Variants in ANGPT1 observed in about 807,000 individuals in gnomAD.
ANGPT1 encodes angiopoietin-1.
ANGPT1 carries 17 observed loss-of-function variants against 62.2 expected under a neutral mutation model. The observed-to-expected ratio is 0.27, with a 90% CI of 0.19 to 0.41. The LOEUF is 0.41. ANGPT1 is among the 10% of genes least tolerant of loss of function. ANGPT1 has a pLI of 1.00. For synonymous variants in ANGPT1, 199 were observed against 198.9 expected (o/e 1.00, Z 0.00); for missense variants, 478 against 594.9 (o/e 0.80, Z 2.04).
chr8:107,334,700 T>G (rs554983444), intron 3 of ANGPT1, among the ~76,000 whole-genome samples: 1 of 152,316 alleles, frequency 6.6e-6, no homozygotes, highest in South Asian at 2.1e-4. Context: ...GTGGTTCACT[T>G]TTGGTGACAA....
chr8:107,342,503 A>G (rs1485626744), intron 2 of ANGPT1, among the ~76,000 whole-genome samples: 1 of 152,166 alleles, frequency 6.6e-6, no homozygotes, highest in Non-Finnish European at 1.5e-5. Flanking sequence ...ATTTAGCTCC[A>G]CCATTTTAGT....
intron 1 of ANGPT1, among the ~76,000 whole-genome samples, chr8:107,469,924 A>T (rs1812301810): frequency 6.6e-6 from 1 of 152,090 alleles, no homozygotes; most frequent in African/African-American, 2.4e-5. Flanking sequence ...CAAGGCATAC[A>T]AAAAGATAAC....
chr8:107,414,521 GA>G (rs1810686798), intron 1 of ANGPT1, among the ~76,000 whole-genome samples: 1 of 152,060 alleles, frequency 6.6e-6, no homozygotes, highest in Admixed American at 6.6e-5. Context: ...CTGTAAAAGG[GA>G]TTGGAAAATG....
At chr8:107,484,084 A>G (rs1316754528) in intron 1 of ANGPT1, among the ~76,000 whole-genome samples, 6 of 152,216 alleles carry the variant, frequency 3.9e-5, no homozygotes, top group Non-Finnish European at 8.8e-5. Context: ...CCAAAAACTT[A>G]CAAGACATCA....
chr8:107,279,089 C>T (rs1813934472), intron 7 of ANGPT1, among the ~76,000 whole-genome samples: 1 of 152,146 alleles, frequency 6.6e-6, no homozygotes, highest in Non-Finnish European at 1.5e-5. Context: ...ATCTCCTCAA[C>T]CCTACAATAA....
intron 4 of ANGPT1, among the ~76,000 whole-genome samples, chr8:107,319,833 T>G (rs2130054574): frequency 6.6e-6 from 1 of 152,152 alleles, no homozygotes; most frequent in African/African-American, 2.4e-5. Context: ...AACTAAATAT[T>G]TAGTTAGAAC....
chr8:107,328,779 G>A (rs1191202034), intron 3 of ANGPT1, among the ~76,000 whole-genome samples: 2 of 151,954 alleles, frequency 1.3e-5, no homozygotes, highest in Non-Finnish European at 2.9e-5. Context: ...TAGATGGCTA[G>A]CAAAGTTTTG....
At chr8:107,476,927 T>G (rs558972311) in intron 1 of ANGPT1, among the ~76,000 whole-genome samples, 35 of 152,210 alleles carry the variant, frequency 2.3e-4, no homozygotes, top group Admixed American at 6.6e-4. Context: ...TAGCTGCTTC[T>G]CCATCCTTTT....
intron 1 of ANGPT1, among the ~76,000 whole-genome samples, chr8:107,456,268 G>C (rs1331121491): frequency 1.3e-5 from 2 of 151,986 alleles, no homozygotes; most frequent in African/African-American, 4.8e-5. Flanking sequence ...GAGCAAAGCT[G>C]AGATGTTTGC....
chr8:107,478,121 T>G (rs1431927639), intron 1 of ANGPT1, among the ~76,000 whole-genome samples: 1 of 151,820 alleles, frequency 6.6e-6, no homozygotes, highest in Non-Finnish European at 1.5e-5. Flanking sequence ...TATATTTGTT[T>G]TCTCTGCAAC....
rs762090733 is a variant in ANGPT1 at position 107,322,003 on chromosome 8, T to C, written c.701A>G (p.Glu234Gly). 3 of 1,614,030 alleles carry C rather than the reference T, an allele frequency of 1.9e-6. No individual in the cohort carries two copies. The highest frequency in any genetic ancestry group is 2.2e-5 in the East Asian group (1 of 44,858). ...TRQTYIIQELEKQLNRATTNN... is the reference protein window; with the variant it reads ...TRQTYIIQELGKQLNRATTNN... The stretch of plus-strand genomic sequence containing the variant: ...GGTGGTAGCTCTGTTTAATTGCTTT[T>C]CCAGCTCCTGGATTATATATGTTTG... The change falls in exon 4 of 9, where the codon GAA becomes GGA. Residue 234 changes from glutamate (E) to glycine (G), a missense_variant. This residue lies in a region of ANGPT1 where 343 missense variants were observed against 355.4 expected (regional missense o/e 0.97). Coordinates refer to ENST00000517746, the MANE Select transcript of ANGPT1 (RefSeq NM_001146.5).
intron 1 of ANGPT1, among the ~76,000 whole-genome samples, chr8:107,441,565 G>A (rs769008467): frequency 7.2e-5 from 11 of 152,160 alleles, no homozygotes; most frequent in South Asian, 6.2e-4. Flanking sequence ...CTCAGGAGTC[G>A]GACAGATCTT....
At chr8:107,326,734 T>G (rs1275033356) in intron 3 of ANGPT1, among the ~76,000 whole-genome samples, 2 of 152,146 alleles carry the variant, frequency 1.3e-5, no homozygotes, top group Non-Finnish European at 2.9e-5. Context: ...AACCTTTATC[T>G]CCTTTGATTC....
At chr8:107,471,777 T>C (rs992287954) in intron 1 of ANGPT1, among the ~76,000 whole-genome samples, 2 of 152,128 alleles carry the variant, frequency 1.3e-5, no homozygotes. Context: ...CATGTTACAA[T>C]AGAATTATCT....
chr8:107,303,380 A>C lies in ANGPT1; in HGVS notation c.809-13T>G, dbSNP rs778562182. 6 of 1,585,732 alleles carry C rather than the reference A, an allele frequency of 3.8e-6. No homozygotes were observed. Among genetic ancestry groups the C allele is most frequent in the Non-Finnish European group, 5.1e-6 (6 of 1,169,828 alleles). ...CCCTTTAGTAAAACTGCAAAAAAAA[A>C]AAAAAAGATTGCAATATGTGAATAT... On this transcript the variant is annotated splice_polypyrimidine_tract_variant and intron_variant, in intron 4 of 8. Transcript: ENST00000517746.
intron 1 of ANGPT1, among the ~76,000 whole-genome samples, chr8:107,429,230 G>C (rs10086306): frequency 0.075 from 11,343 of 152,194 alleles, 1,394 homozygotes; most frequent in African/African-American, 0.25. Flanking sequence ...GAGAGAAATA[G>C]GGGTTGAGTC....
chr8:107,314,663 A>C (rs1814971692), intron 4 of ANGPT1, among the ~76,000 whole-genome samples: 1 of 152,312 alleles, frequency 6.6e-6, no homozygotes, highest in African/African-American at 2.4e-5. Flanking sequence ...TTTTCTGTCA[A>C]GATAAAGCAT....
At chr8:107,310,349 C>T (rs1319722607) in intron 4 of ANGPT1, among the ~76,000 whole-genome samples, 5 of 152,130 alleles carry the variant, frequency 3.3e-5, no homozygotes, top group African/African-American at 7.2e-5. Flanking sequence ...AGTAGTAGAA[C>T]TCTCTGACTA....
At chr8:107,497,207 C>A in intron 1 of ANGPT1, 55 bp downstream of exon 1, 1 of 1,557,790 alleles carries the variant, frequency 6.4e-7, no homozygotes, top group South Asian at 1.2e-5. Context: ...AAGTTAGCTG[C>A]AGTGCAAGAA....
Sources: allele counts gnomAD v4.1 joint callset (sites outside exome capture counted in the v4.1 genomes callset), GRCh38; gene constraint gnomAD v4.1.1; regional missense constraint gnomAD v4.1.1; transcripts MANE v1.5; gene names NCBI Gene and HGNC (gene_info 2026-07-23, HGNC 2026-07-21).